The following LEKR1 variants were observed in gnomAD, a reference collection of about 807,000 sequenced individuals.
LEKR1 encodes leucine, glutamate and lysine rich 1.
LEKR1 carries 59 observed loss-of-function variants against 72.4 expected under a neutral mutation model. That is an observed-to-expected ratio of 0.82 (90% CI 0.66 to 1.01). LEKR1 has a LOEUF of 1.01. LEKR1 is among the 50% of genes least tolerant of loss of function. LEKR1 has a pLI of 0.00. For synonymous variants in LEKR1, 257 were observed against 263.2 expected (o/e 0.98, Z 0.23); for missense variants, 728 against 759.2 (o/e 0.96, Z 0.48).
At chr3:156,992,871 T>C (rs1398918751) in intron 8 of LEKR1, 141 bp downstream of exon 8, 2 of 388,110 alleles carry the variant, frequency 5.2e-6, no homozygotes, top group Non-Finnish European at 8.9e-6. Flanking sequence ...AAGCTTATAT[T>C]ATCTTGCAGT....
intron 9 of LEKR1, among the ~76,000 whole-genome samples, chr3:156,997,892 C>T (rs1368318910): frequency 6.6e-6 from 1 of 152,206 alleles, no homozygotes; most frequent in Non-Finnish European, 1.5e-5. Context: ...CTTCCCCACA[C>T]TCAGCTGAGG....
In LEKR1 at chr3:157,027,614, A is replaced by C. The variant is rs529759674; in HGVS notation, c.1369-489A>C. Among the ~76,000 whole-genome samples, 3 of 152,182 alleles carry C rather than the reference A, an allele frequency of 2.0e-5. No homozygotes were observed. The East Asian group carries it at 5.8e-4, about 30-fold the overall frequency. On this transcript the variant is annotated intron_variant, in intron 11 of 12. Coordinates refer to ENST00000356539, the MANE Select transcript of LEKR1 (RefSeq NM_001004316.3). ...GAGGATTGCTTGAGCCCAGGAGTTT[A>C]AGACCAGCCATGGTAACACAGAGAG...
chr3:156,998,898 C>T (rs1731791726), intron 9 of LEKR1, among the ~76,000 whole-genome samples: 1 of 152,128 alleles, frequency 6.6e-6, no homozygotes, highest in South Asian at 2.1e-4. Context: ...TGTGTCCCCA[C>T]CCAAATTTCA....
At chr3:156,899,722 ATG>A (rs1560064994) in intron 3 of LEKR1, among the ~76,000 whole-genome samples, 6 of 128,428 alleles carry the variant, frequency 4.7e-5, no homozygotes, top group East Asian at 5.4e-4. Flanking sequence ...ACATATATAC[ATG>A]CATATATACA....
chr3:156,972,905 A>G lies in LEKR1; in HGVS notation c.746-6289A>G, dbSNP rs757288197. Among the ~76,000 whole-genome samples, 7 of 152,058 alleles carry G rather than the reference A, an allele frequency of 4.6e-5. No homozygotes were observed. In the South Asian group the frequency reaches 6.2e-4, roughly 13 times the overall value. ...GCCAAATGAGGCACTTGTTATTTATATAAGGACAAATAAATATATCTTAAT... is the reference window on the plus strand; with the variant it reads ...GCCAAATGAGGCACTTGTTATTTATGTAAGGACAAATAAATATATCTTAAT... On this transcript the variant is annotated intron_variant, in intron 6 of 12. Transcript: ENST00000356539.
chr3:156,960,657 TC>T (rs1728044270), intron 6 of LEKR1, among the ~76,000 whole-genome samples: 1 of 152,162 alleles, frequency 6.6e-6, no homozygotes. Context: ...CCACATTTTT[TC>T]CCTTTATTTC....
At chr3:156,877,222 A>G (rs907696819) in intron 3 of LEKR1, among the ~76,000 whole-genome samples, 10 of 152,078 alleles carry the variant, frequency 6.6e-5, no homozygotes, top group Non-Finnish European at 1.3e-4. Context: ...TAGCTATTAA[A>G]TAGTATTTTT....
intron 10 of LEKR1, among the ~76,000 whole-genome samples, chr3:157,015,638 G>A (rs561440117): frequency 3.9e-4 from 60 of 152,230 alleles, no homozygotes; most frequent in Non-Finnish European, 5.0e-4. Context: ...ATCTAGCACC[G>A]AACAAGGTAA....
intron 2 of LEKR1, among the ~76,000 whole-genome samples, chr3:156,843,071 A>G (rs940725361): frequency 1.3e-5 from 2 of 152,220 alleles, no homozygotes; most frequent in Non-Finnish European, 2.9e-5. Flanking sequence ...GATAACCAGC[A>G]GACTTACTAG....
chr3:156,905,087 T>C lies in LEKR1; in HGVS notation c.264-15488T>C, dbSNP rs575986643. ...TTTGGGAGAGGTGGGGAGAGAGAGA[T>C]AGAGGGGTGAGGGAATAAATATGAA... On this transcript the variant is annotated intron_variant, in intron 3 of 12. Transcript: ENST00000356539. Among the ~76,000 whole-genome samples the C allele has an allele frequency of 2.0e-5, 3 of 151,774 alleles. No homozygotes were observed. The East Asian group carries it at 5.8e-4, about 29-fold the overall frequency.
rs766280845 is a variant in LEKR1 at position 157,028,187 on chromosome 3, CG to C, written c.1455del (p.Tyr486ThrfsTer26). ...LKEKLHKSHI[R>X]YTEESNSKEK... ...AGAAAAACTTCACAAATCCCATATT[CG>C]GTACACTGAAGAATCTAATTCAAAG... On this transcript the variant is annotated frameshift_variant, in exon 12 of 13. Transcript: ENST00000356539. LOFTEE classifies it high-confidence loss of function. 6.2e-7 allele frequency: 1 copy of C among 1,611,424 alleles called. No individual in the cohort carries two copies. Among genetic ancestry groups the C allele is most frequent in the Non-Finnish European group, 8.5e-7 (1 of 1,178,030 alleles).
chr3:156,864,571 T>TA (rs1182895896), intron 3 of LEKR1, among the ~76,000 whole-genome samples: 3 of 152,170 alleles, frequency 2.0e-5, no homozygotes, highest in South Asian at 4.1e-4. Context: ...TACCTGGACT[T>TA]ACTGCTTTCA....
chr3:156,928,326 T>G (rs1417016050), intron 5 of LEKR1, among the ~76,000 whole-genome samples: 1 of 152,074 alleles, frequency 6.6e-6, no homozygotes, highest in Non-Finnish European at 1.5e-5. Flanking sequence ...ATTCATCAAT[T>G]GTAACAAGTA....
chr3:156,907,961 C>T (rs368002887), intron 3 of LEKR1, among the ~76,000 whole-genome samples: 1 of 151,844 alleles, frequency 6.6e-6, no homozygotes, highest in Admixed American at 6.6e-5. Flanking sequence ...TTCATGGTCT[C>T]GAGGCTTTTA....
chr3:156,920,736 T>C, intron 4 of LEKR1, 42 bp downstream of exon 4: 6 of 1,079,012 alleles, frequency 5.6e-6, no homozygotes, highest in Non-Finnish European at 7.8e-6. Context: ...TGAAAAGATA[T>C]GCTTAATACT....
At chr3:157,035,781 C>T (rs1734926756) in intron 12 of LEKR1, among the ~76,000 whole-genome samples, 1 of 152,148 alleles carries the variant, frequency 6.6e-6, no homozygotes, top group Admixed American at 6.5e-5. Context: ...CATCTGTAAT[C>T]CCAGCTACTT....
At chr3:156,998,016 CTGG>C (rs993667516) in intron 9 of LEKR1, among the ~76,000 whole-genome samples, 35 of 152,142 alleles carry the variant, frequency 2.3e-4, no homozygotes, top group African/African-American at 7.5e-4. Flanking sequence ...CACACTGGGA[CTGG>C]TGAAAGGGGT....
At chr3:156,844,672 G>T (rs1714355754) in intron 2 of LEKR1, among the ~76,000 whole-genome samples, 1 of 152,086 alleles carries the variant, frequency 6.6e-6, no homozygotes, top group African/African-American at 2.4e-5. Flanking sequence ...GTTTCATTAG[G>T]TTGTGTGTAT....
At chr3:156,899,372 ATATATACACATATATACATG>A (rs1225264246) in intron 3 of LEKR1, among the ~76,000 whole-genome samples, 4 of 118,366 alleles carry the variant, frequency 3.4e-5, no homozygotes, top group African/African-American at 3.4e-5. Flanking sequence ...ACATATATAC[ATATATACACATATATACATG>A]TATATATACA....
Sources: allele counts gnomAD v4.1 joint callset (sites outside exome capture counted in the v4.1 genomes callset), GRCh38; gene constraint gnomAD v4.1.1; transcripts MANE v1.5; gene names NCBI Gene and HGNC (gene_info 2026-07-23, HGNC 2026-07-21).